The following REPS2 variants were observed in gnomAD, a reference collection of about 807,000 sequenced individuals.
The protein encoded by REPS2 is RALBP1 associated Eps domain containing 2, also known as ralBP1-associated Eps domain-containing protein 2.
REPS2 carries 23 observed loss-of-function variants against 53.6 expected under a neutral mutation model. The ratio of observed to expected loss-of-function variants is 0.43; its 90% CI spans 0.31 to 0.61. REPS2 has a LOEUF of 0.61. Among genes scored for constraint, REPS2 ranks in the 20% least tolerant of loss-of-function variants. REPS2 has a pLI of 0.11. For synonymous variants in REPS2, 238 were observed against 218.6 expected (o/e 1.09, Z -0.78); for missense variants, 446 against 534.9 (o/e 0.83, Z 1.64).
At chrX:17,007,231 C>T (rs889046464) in intron 2 of REPS2, among the ~76,000 whole-genome samples, 1 of 111,857 alleles carries the variant, frequency 8.9e-6, no homozygotes, top group Non-Finnish European at 1.9e-5. Context: ...TCCAAATGGC[C>T]GAGAAGATTG....
At chrX:17,035,588 T>A (rs1269504393) in intron 5 of REPS2, among the ~76,000 whole-genome samples, 1 of 111,185 alleles carries the variant, frequency 9.0e-6, no homozygotes, top group Non-Finnish European at 1.9e-5. Flanking sequence ...GGTAAGTAAG[T>A]GTTCATACGA....
intron 9 of REPS2, among the ~76,000 whole-genome samples, chrX:17,062,987 C>T (rs2062177914): frequency 8.9e-6 from 1 of 111,972 alleles, no homozygotes. Context: ...AAATCACATT[C>T]GGAACTCCCT....
At chrX:17,053,108 G>A (rs1039415982) in intron 7 of REPS2, among the ~76,000 whole-genome samples, 1 of 111,704 alleles carries the variant, frequency 9.0e-6, no homozygotes, top group Non-Finnish European at 1.9e-5. Context: ...AAACTGGGCA[G>A]GAGATCGCAC....
the REPS2 span, among the ~76,000 whole-genome samples, chrX:17,187,196 T>A: frequency 8.9e-6 from 1 of 112,016 alleles, no homozygotes; most frequent in Non-Finnish European, 1.9e-5. Context: ...CTGCCCTAAA[T>A]CCCCTCCCTG....
chrX:16,990,663 A>G (rs942395781), intron 1 of REPS2, among the ~76,000 whole-genome samples: 3 of 108,102 alleles, frequency 2.8e-5, no homozygotes, highest in East Asian at 5.9e-4. Flanking sequence ...AATGTTCTCT[A>G]TTGACTGTGT....
chrX:17,121,824 C>T (rs1159440270), intron 14 of REPS2, among the ~76,000 whole-genome samples: 4 of 111,326 alleles, frequency 3.6e-5, no homozygotes, highest in Non-Finnish European at 7.5e-5. Context: ...CAATTTAGCT[C>T]ACTGCAACCT....
chrX:17,046,603 C>A (rs958088361), intron 5 of REPS2, among the ~76,000 whole-genome samples: 5 of 112,215 alleles, frequency 4.5e-5, no homozygotes, highest in African/African-American at 1.6e-4. Flanking sequence ...ATCGACATTT[C>A]CCTTCGTCTG....
intron 16 of REPS2, chrX:17,136,159 A>G (rs2063362824): frequency 1.8e-5 from 2 of 112,278 alleles, no homozygotes; most frequent in African/African-American, 6.5e-5. Flanking sequence ...TAAATGCTCA[A>G]GACCCATCAT....
intron 14 of REPS2, among the ~76,000 whole-genome samples, chrX:17,105,888 A>G (rs961835946): frequency 2.7e-5 from 3 of 111,996 alleles, no homozygotes; most frequent in African/African-American, 9.7e-5. Flanking sequence ...ACCACTTTGT[A>G]TGGGACACCT....
chrX:17,004,214 C>T (rs1230682570), intron 1 of REPS2, among the ~76,000 whole-genome samples: 2 of 110,580 alleles, frequency 1.8e-5, no homozygotes, highest in Non-Finnish European at 3.8e-5. Flanking sequence ...GAGGAAAGCC[C>T]AGTGATTTGG....
chrX:17,146,013 G>T (rs1206104683), intron 17 of REPS2, among the ~76,000 whole-genome samples: 4 of 108,286 alleles, frequency 3.7e-5, no homozygotes, highest in African/African-American at 1.4e-4. Context: ...GGAGGCTGAG[G>T]CAGGAGAATG....
intron 7 of REPS2, among the ~76,000 whole-genome samples, chrX:17,052,906 G>A (rs1424492950): frequency 3.6e-5 from 4 of 111,859 alleles, no homozygotes; most frequent in Non-Finnish European, 7.5e-5. Context: ...CTGCCTCTGA[G>A]CTTTGCAAAT....
At chrX:17,034,128 G>A (rs2061739126) in intron 5 of REPS2, among the ~76,000 whole-genome samples, 1 of 110,645 alleles carries the variant, frequency 9.0e-6, no homozygotes, top group African/African-American at 3.3e-5. Flanking sequence ...ATTTATGTGT[G>A]CAACTCAGCC....
the REPS2 span, among the ~76,000 whole-genome samples, chrX:17,179,003 C>T: frequency 4.5e-5 from 5 of 111,933 alleles, no homozygotes; most frequent in Admixed American, 9.5e-5. Flanking sequence ...TACACCAAAT[C>T]CAACCCTAAG....
At chrX:16,976,612 G>T (rs1339239707) in intron 1 of REPS2, among the ~76,000 whole-genome samples, 4 of 111,496 alleles carry the variant, frequency 3.6e-5, no homozygotes, top group Non-Finnish European at 7.5e-5. Context: ...AGGGTGCTTT[G>T]AGACAAAACT....
chrX:17,129,162 T>G (rs933386095), intron 14 of REPS2, among the ~76,000 whole-genome samples: 102 of 111,952 alleles, frequency 9.1e-4, no homozygotes, highest in African/African-American at 3.2e-3. Flanking sequence ...AGAGAACCAC[T>G]GAGGCCCCTT....
At chrX:17,155,576 T>G (rs929621161), downstream of REPS2, among the ~76,000 whole-genome samples, 2 of 111,688 alleles carry the variant, frequency 1.8e-5, no homozygotes, top group South Asian at 7.5e-4. Context: ...CACCCTGAGA[T>G]TACAGCTCTT....
chrX:17,164,185 C>G, the REPS2 span, among the ~76,000 whole-genome samples: 1 of 111,546 alleles, frequency 9.0e-6, no homozygotes, highest in Non-Finnish European at 1.9e-5. Context: ...AGGGCAATGA[C>G]TAAGACAATG....
Position 17,149,819 on chromosome X carries a change from C to T in REPS2, c.*2338C>T, listed in dbSNP as rs1424231691. On this transcript the variant is annotated 3_prime_UTR_variant, in exon 18 of 18. Coordinates refer to ENST00000357277, the MANE Select transcript of REPS2 (RefSeq NM_004726.3). ...AAATATTGACATGCTTTTCCCCTCCCCTCCATGAAGTCAGTGCCAGAGTGA... is the reference window on the plus strand; with the variant it reads ...AAATATTGACATGCTTTTCCCCTCCTCTCCATGAAGTCAGTGCCAGAGTGA... 2 of 111,857 alleles carry T rather than the reference C, an allele frequency of 1.8e-5. No homozygotes were observed. The highest frequency in any genetic ancestry group is 6.5e-5 in the African/African-American group (2 of 30,755). The allele number at this position is 111,857 out of a possible 1,213,427, so 9.2% of individuals were successfully genotyped here.
Sources: gnomAD v4.1 joint callset for allele counts (sites outside exome capture counted in the v4.1 genomes callset) on GRCh38, gnomAD v4.1.1 for gene constraint, MANE v1.5 for transcripts, NCBI Gene and HGNC (gene_info 2026-07-23, HGNC 2026-07-21) for gene names.